Variants in PRKAG3 observed in about 807,000 individuals in gnomAD.
PRKAG3 encodes the protein protein kinase AMP-activated non-catalytic subunit gamma 3.
In PRKAG3, 39 loss-of-function variants were observed where a neutral mutation model predicts 56.5. The ratio of observed to expected loss-of-function variants is 0.69; its 90% CI spans 0.53 to 0.90. The LOEUF is 0.90. Among genes scored for constraint, PRKAG3 ranks in the 40% least tolerant of loss-of-function variants. The pLI is 0.00. For synonymous variants in PRKAG3, 243 were observed against 250.1 expected (o/e 0.97, Z 0.27); for missense variants, 628 against 627.5 (o/e 1.00, Z -0.01).
intron 4 of PRKAG3, among the ~76,000 whole-genome samples, chr2:218,828,836 T>G (rs1346369089): frequency 1.3e-5 from 2 of 152,198 alleles, no homozygotes; most frequent in Admixed American, 6.5e-5. Flanking sequence ...GGCTGTGGCC[T>G]GAGACCATGA....
chr2:218,826,652 G>A (rs1943936330), intron 10 of PRKAG3: 4 of 445,762 alleles, frequency 9.0e-6, no homozygotes, highest in South Asian at 6.2e-5. Flanking sequence ...GCTTCCTCTC[G>A]CTATGCCCAT....
At chr2:218,831,667 C>T in intron 1 of PRKAG3, 71 bp downstream of exon 1, 1 of 1,557,782 alleles carries the variant, frequency 6.4e-7, no homozygotes, top group Non-Finnish European at 8.7e-7. Context: ...CCCACACACA[C>T]ATTCACAGCC....
rs910133726 is a variant in PRKAG3, at chr2:218,823,626, T to C, written c.*136A>G. On this transcript the variant is annotated 3_prime_UTR_variant, in exon 13 of 13. Coordinates refer to ENST00000529249, the Ensembl canonical transcript of PRKAG3. ...CAGGAAGACTAAGAGGCTGGTGTCATGGCCCAGGGCAGAGCCTACCTGAAT... is the reference window on the plus strand; with the variant it reads ...CAGGAAGACTAAGAGGCTGGTGTCACGGCCCAGGGCAGAGCCTACCTGAAT... The C allele has an allele frequency of 5.7e-6, 9 of 1,568,932 alleles. No individual in the cohort carries two copies. In the African/African-American group the frequency reaches 9.4e-5, roughly 16 times the overall value.
chr2:218,822,802 A>G, downstream of PRKAG3: 1 of 832,880 alleles, frequency 1.2e-6, no homozygotes, highest in South Asian at 5.5e-5. Context: ...GACTCCCAGG[A>G]GCTGAAGGCT....
downstream of PRKAG3, chr2:218,823,051 G>A: frequency 1.0e-6 from 1 of 973,758 alleles, no homozygotes; most frequent in African/African-American, 1.8e-5. Flanking sequence ...GGTAGGGCAA[G>A]GGCAATTTGG....
intron 4 of PRKAG3, 52 bp from the exon 5 acceptor site, chr2:218,828,652 C>T (rs774247949): frequency 6.1e-6 from 9 of 1,476,106 alleles, no homozygotes; most frequent in Non-Finnish European, 8.4e-6. Flanking sequence ...ACCCTCACCC[C>T]CCTCTCTGCC....
Position 218,827,594 on chromosome 2 carries a change from A to T in PRKAG3, c.856T>A (p.Ser286Thr). ...ACCCACCTATCATTAGGAGAGATGG[A>T]GACCAGAGGCTTGAAGCAGCCTTGC... The change falls in exon 8 of 13, where the codon TCC becomes ACC. Residue 286 changes from serine (S) to threonine (T), a missense_variant. By Grantham distance (58) the Ser-to-Thr change is moderately conservative. Coordinates refer to ENST00000529249, the Ensembl canonical transcript of PRKAG3. This position sits in a 1 kb window ranked among gnomAD's most constrained non-coding sequence, Gnocchi z 5.3. 1 of 1,614,056 alleles carries T rather than the reference A, an allele frequency of 6.2e-7. No homozygotes were observed. Among genetic ancestry groups the T allele is most frequent in the Non-Finnish European group, 8.5e-7 (1 of 1,179,968 alleles).
At chr2:218,823,171 A>C (rs1035567476), downstream of PRKAG3, 8 of 563,384 alleles carry the variant, frequency 1.4e-5, no homozygotes, top group African/African-American at 1.6e-4. Flanking sequence ...AGTAGATGGA[A>C]TCTGTGCCCA....
At chr2:218,829,935 T>C (rs753286484) in intron 4 of PRKAG3, 43 bp downstream of exon 4, 6 of 1,590,640 alleles carry the variant, frequency 3.8e-6, no homozygotes, top group Non-Finnish European at 4.3e-6. Context: ...CAGCACCGTG[T>C]GGATGGAGAG....
intron 10 of PRKAG3, 26 bp from the exon 11 acceptor site, chr2:218,824,602 G>C (rs1483838206): frequency 1.3e-6 from 2 of 1,595,426 alleles, no homozygotes; most frequent in East Asian, 4.5e-5. Context: ...GTGGGGGGTG[G>C]GGGGAGAAAG....
intron 10 of PRKAG3, among the ~76,000 whole-genome samples, chr2:218,825,446 TG>T (rs1943918407): frequency 1.3e-5 from 2 of 151,976 alleles, no homozygotes; most frequent in Non-Finnish European, 2.9e-5. Context: ...AGTTGGAGAC[TG>T]GCCTGGCCTA....
chr2:218,822,969 T>G (rs1943876624), downstream of PRKAG3: 1 of 985,550 alleles, frequency 1.0e-6, no homozygotes, highest in Non-Finnish European at 1.2e-6. Flanking sequence ...CCTCCAAGCT[T>G]GACTCAGCTG....
exon 4 of PRKAG3, chr2:218,830,080 C>T (rs770658942): frequency 6.2e-7 from 1 of 1,613,052 alleles, no homozygotes. Context: ...CGCCGGGTTT[C>T]CGCAGTTCGT....
At chr2:218,831,186 C>T (rs1449175969) in intron 2 of PRKAG3, 150 bp downstream of exon 2, 3 of 717,500 alleles carry the variant, frequency 4.2e-6, no homozygotes, top group Non-Finnish European at 7.0e-6. Context: ...GAGGGAAACA[C>T]ACCTGGGGAA....
chr2:218,827,775 C>G lies in PRKAG3; in HGVS notation c.820+58G>C, dbSNP rs1392478717. On this transcript the variant is annotated intron_variant, in intron 7 of 12. Transcript: ENST00000529249. This position sits in a 1 kb window ranked among gnomAD's most constrained non-coding sequence, Gnocchi z 5.3. The stretch of plus-strand genomic sequence containing the variant: ...GGACATCCCCACTGCCCATCCTCCA[C>G]CTTAAGCCCTGGCCCACCATCACCA... The G allele has an allele frequency of 1.9e-6, 3 of 1,577,456 alleles. No individual in the cohort carries two copies. In the African/African-American group the frequency reaches 4.3e-5, roughly 23 times the overall value.
chr2:218,828,692 G>C (rs1019468100), intron 4 of PRKAG3, 92 bp from the exon 5 acceptor site: 9 of 1,118,530 alleles, frequency 8.0e-6, no homozygotes, highest in Non-Finnish European at 1.0e-5. Context: ...TCTGCCTGCT[G>C]TCCCCTCCCT....
intron 10 of PRKAG3, among the ~76,000 whole-genome samples, chr2:218,825,923 A>AT (rs111948324): frequency 0.033 from 4,997 of 150,918 alleles, 168 homozygotes; most frequent in East Asian, 0.095. Context: ...TGCCCAGCTA[A>AT]TTTTTTTTTG....
chr2:218,828,417 G>A (rs575981995), intron 5 of PRKAG3, 102 bp downstream of exon 5: 2 of 1,282,802 alleles, frequency 1.6e-6, no homozygotes, highest in South Asian at 1.5e-5. Flanking sequence ...GGCTTGGCCT[G>A]AAGCCAAGCT....
At chr2:218,831,277 G>C (rs1944015543) in intron 2 of PRKAG3, 59 bp downstream of exon 2, 2 of 1,339,530 alleles carry the variant, frequency 1.5e-6, no homozygotes, top group Admixed American at 4.8e-5. Flanking sequence ...TCCCAGAAAA[G>C]TGGGGGACAA....
Sources: gnomAD v4.1 joint callset for allele counts (sites outside exome capture counted in the v4.1 genomes callset) on GRCh38, gnomAD v4.1.1 for gene constraint, Gnocchi (gnomAD v3.1) non-coding constraint, MANE v1.5 for transcripts, NCBI Gene and HGNC (gene_info 2026-07-23, HGNC 2026-07-21) for gene names.